SH3TC1: variants seen among roughly 807,000 people sequenced by gnomAD.
SH3TC1 encodes SH3 domain and tetratricopeptide repeat-containing protein 1.
In SH3TC1, 135 loss-of-function variants were observed where a neutral mutation model predicts 117.3. The observed-to-expected ratio is 1.15, with a 90% CI of 1.00 to 1.33. The LOEUF is 1.33. Ranked by LOEUF, SH3TC1 falls within the 40% of genes most tolerant of loss-of-function variation. The pLI is 0.00. For missense variants in SH3TC1, 2,092 were observed against 1,794.3 expected (o/e 1.17, Z -3.00); for synonymous variants, 898 against 816.9 (o/e 1.10, Z -1.69).
Position 8,192,970 on chromosome 4 carries a change from C to T in SH3TC1, c.-57+10760C>T, listed in dbSNP as rs762332679. Among the ~76,000 whole-genome samples, 6 of 152,240 alleles carry T rather than the reference C, an allele frequency of 3.9e-5. No homozygotes were observed. The South Asian group carries it at 8.3e-4, about 21-fold the overall frequency. On this transcript the variant is annotated intron_variant, in intron 1 of 16. Coordinates refer to the SH3TC1 transcript ENST00000508641. This position sits in a 1 kb window ranked among gnomAD's most constrained non-coding sequence, Gnocchi z 4.1. ...AGCCTGTTTCACAGCACAAGACAGC[C>T]TCAGCTCTGTGGTCCACAAACCACA...
intron 1 of SH3TC1, among the ~76,000 whole-genome samples, chr4:8,188,331 G>A (rs1717292632): frequency 6.6e-6 from 1 of 152,230 alleles, no homozygotes; most frequent in Non-Finnish European, 1.5e-5. Flanking sequence ...CGGATGCTGA[G>A]CCAGGCCCAG....
In SH3TC1 at chr4:8,236,446, C is replaced by G. The variant is rs748424274; in HGVS notation, c.3556+18C>G. The G allele has an allele frequency of 2.8e-6, 4 of 1,427,436 alleles. No individual in the cohort carries two copies. The African/African-American group carries it at 5.9e-5, about 21-fold the overall frequency. 88.4% of individuals were successfully genotyped at this position (1,427,436 alleles called of 1,614,324 possible). ...CACCCTGGGTAAGCCCCCTGAGCCC[C>G]TGCCCTGCCAGGACCCACACTTTGC... On this transcript the variant is annotated intron_variant, in intron 16 of 17. Transcript: ENST00000245105.
Position 8,225,302 on chromosome 4 carries a change from G to T in SH3TC1, c.1285+86G>T, listed in dbSNP as rs1720358972. 1.4e-6 allele frequency: 2 copies of T among 1,463,402 alleles called. No homozygotes were observed. The highest frequency in any genetic ancestry group is 2.8e-5 in the African/African-American group (2 of 71,686). The allele number at this position is 1,463,402 out of a possible 1,614,324, so 90.7% of individuals were successfully genotyped here. A position where few individuals can be genotyped will look rare whatever the true frequency, so the allele number is the denominator to read the frequency against. ...GGGGGAGGTGACAAAGCTGAGCACG[G>T]TGGGCATTGGGTGCGGCTGTCACCC... On this transcript the variant is annotated intron_variant, in intron 11 of 17. Coordinates refer to ENST00000245105, the MANE Select transcript of SH3TC1 (RefSeq NM_018986.5). This position sits in a 1 kb window ranked among gnomAD's most constrained non-coding sequence, Gnocchi z 5.5.
At chr4:8,229,282 T>A (rs925991643) in intron 12 of SH3TC1, 1 of 151,354 alleles carries the variant, frequency 6.6e-6, no homozygotes, top group Non-Finnish European at 1.5e-5. Context: ...GCGGGGCAGC[T>A]CTTGGCCCCG....
chr4:8,232,174 G>A lies in SH3TC1; in HGVS notation c.3131+18G>A, dbSNP rs754738398. ...ACCGAGCGGTGAGGGCTGGCTCTGT[G>A]GTGGTGGGGGCGGGGGGAGGGGGCA... is the stretch of plus-strand genomic sequence containing the variant. On this transcript the variant is annotated intron_variant, in intron 13 of 17. Coordinates refer to ENST00000245105, the MANE Select transcript of SH3TC1 (RefSeq NM_018986.5). 3 of 1,242,780 alleles carry A rather than the reference G, an allele frequency of 2.4e-6. No homozygotes were observed. The highest frequency in any genetic ancestry group is 3.1e-6 in the Non-Finnish European group (3 of 957,774). The allele number at this position is 1,242,780 out of a possible 1,614,324, so 77.0% of individuals were successfully genotyped here.
Position 8,212,702 on chromosome 4 carries a change from C to G in SH3TC1, c.249C>G (p.Asp83Glu). 6.2e-7 allele frequency: 1 copy of G among 1,612,932 alleles called. No individual in the cohort carries two copies. Among genetic ancestry groups the G allele is most frequent in the Non-Finnish European group, 8.5e-7 (1 of 1,179,950 alleles). The change falls in exon 4 of 18, where the codon GAC becomes GAG. Residue 83 changes from aspartate (D) to glutamate (E), a missense_variant and splice_region_variant. By Grantham distance (45) the Asp-to-Glu change is conservative. Transcript: ENST00000245105. Reference sequence around the variant, plus strand: ...CCCAACCTCCGTCTGCCCCTCCAGACCTGACCCTGCAGCTGCTGGCTGTGC... The same window carrying G: ...CCCAACCTCCGTCTGCCCCTCCAGAGCTGACCCTGCAGCTGCTGGCTGTGC... The part of the protein sequence containing the change: ...PPCQMGVYPT[D>E]LTLQLLAVRR...
At chr4:8,235,988 TGTC>T (rs902639863) in intron 15 of SH3TC1, 10 of 448,126 alleles carry the variant, frequency 2.2e-5, no homozygotes, top group African/African-American at 1.2e-4. Context: ...CACAGATAAA[TGTC>T]GTGTTTTTAG....
rs1013722877 is a variant in SH3TC1 at position 8,205,027 on chromosome 4, C to A, written c.-28-140C>A. 1 of 604,826 alleles carries A rather than the reference C, an allele frequency of 1.7e-6. No individual in the cohort carries two copies. Among genetic ancestry groups the A allele is most frequent in the Non-Finnish European group, 2.7e-6 (1 of 368,876 alleles). 37.5% of individuals were successfully genotyped at this position (604,826 alleles called of 1,614,324 possible). A position where few individuals can be genotyped will look rare whatever the true frequency, so the allele number is the denominator to read the frequency against. ...GCCCACCACAACACGGTGCACGGTG[C>A]GGTGAGGGGCTCGCTGGATCTGAAA... On this transcript the variant is annotated intron_variant, in intron 1 of 17. Coordinates refer to ENST00000245105, the MANE Select transcript of SH3TC1 (RefSeq NM_018986.5). This position sits in a 1 kb window ranked among gnomAD's most constrained non-coding sequence, Gnocchi z 5.4.
At chr4:8,212,248 C>T (rs1162763859) in intron 3 of SH3TC1, among the ~76,000 whole-genome samples, 1 of 150,916 alleles carries the variant, frequency 6.6e-6, no homozygotes, top group Non-Finnish European at 1.5e-5. Context: ...CCCAGACTCC[C>T]CACCTTACAG....
At position 8,210,954 on chromosome 4, in the gene SH3TC1, T is replaced by C. The variant is rs1718617685; in HGVS notation, c.247+1132T>C. Among the ~76,000 whole-genome samples, 1 of 151,698 alleles carries C rather than the reference T, an allele frequency of 6.6e-6. No individual in the cohort carries two copies. The highest frequency in any genetic ancestry group is 1.5e-5 in the Non-Finnish European group (1 of 67,952). ...TCTCAGGCAGGTGCTTTAAGCTTAT[T>C]CAAAGGTGTGAGAATCCATCTCTGT... On this transcript the variant is annotated intron_variant, in intron 3 of 17. Transcript: ENST00000245105. The surrounding 1 kb of genome is among the most constrained non-coding windows in gnomAD (Gnocchi z 4.1).
At chr4:8,238,568 G>C (rs1014210170) in intron 17 of SH3TC1, among the ~76,000 whole-genome samples, 1 of 152,092 alleles carries the variant, frequency 6.6e-6, no homozygotes, top group Non-Finnish European at 1.5e-5. Context: ...CTAAGACCCC[G>C]CCCCGTATCC....
At chr4:8,204,597 C>G (rs1718047620) in intron 1 of SH3TC1, among the ~76,000 whole-genome samples, 1 of 152,210 alleles carries the variant, frequency 6.6e-6, no homozygotes, top group Non-Finnish European at 1.5e-5. Context: ...ATCCTCCTCT[C>G]TTATTAGCGC....
chr4:8,218,125 TGTGTGTGTGTGCAC>T, intron 7 of SH3TC1, 132 bp from the exon 8 acceptor site: 2 of 561,540 alleles, frequency 3.6e-6, no homozygotes, highest in Non-Finnish European at 6.4e-6. Context: ...CATGTGTGTG[TGTGTGTGTGTGCAC>T]GTGTGTGTGT....
chr4:8,240,579 G>A (rs758228936), intron 17 of SH3TC1, 119 bp from the exon 18 acceptor site: 706 of 1,486,186 alleles, frequency 4.8e-4, no homozygotes, highest in Non-Finnish European at 6.2e-4. Context: ...CACAGGCTTC[G>A]GGGCTCATGG....
At chr4:8,235,585 G>A (rs1177598516) in intron 15 of SH3TC1, 30 bp downstream of exon 15, 1 of 1,545,978 alleles carries the variant, frequency 6.5e-7, no homozygotes, top group South Asian at 1.2e-5. Flanking sequence ...GATGTGGGTG[G>A]GCCCCAGGGG....
At chr4:8,232,245 C>A in intron 13 of SH3TC1, 89 bp downstream of exon 13, 2 of 1,397,150 alleles carry the variant, frequency 1.4e-6, no homozygotes, top group Non-Finnish European at 9.5e-7. Flanking sequence ...CCCAGGGCCC[C>A]AGCAGCCCCT....
chr4:8,218,119 T>G, intron 7 of SH3TC1, 152 bp from the exon 8 acceptor site: 1 of 442,838 alleles, frequency 2.3e-6, no homozygotes, highest in Non-Finnish European at 4.1e-6. Context: ...GGCAGGCATG[T>G]GTGTGTGTGT....
At chr4:8,202,978 A>T (rs1717937057) in intron 1 of SH3TC1, among the ~76,000 whole-genome samples, 1 of 152,140 alleles carries the variant, frequency 6.6e-6, no homozygotes, top group Admixed American at 6.5e-5. Context: ...CTGGGAGGCC[A>T]GTTCTCAGGG....
chr4:8,209,750 G>A lies in SH3TC1; in HGVS notation c.175G>A (p.Glu59Lys), dbSNP rs569876244. The A allele has an allele frequency of 1.2e-5, 19 of 1,613,786 alleles. No individual in the cohort carries two copies. Among genetic ancestry groups the A allele is most frequent in the South Asian group, 8.8e-5 (8 of 91,054 alleles). ...EEAKAPVRGD[E>K]APPARVAGPA... ...CCTGGGAACCTGCTGTGTTGCAGAC[G>A]AGGCTCCTCCTGCCCGCGTGGCTGG... The change falls in exon 3 of 18, where the codon GAG becomes AAG. Residue 59 changes from glutamate to lysine, a missense_variant and splice_region_variant. Physicochemically the swap from Glu to Lys is moderately conservative, Grantham distance 56 (BLOSUM62 1). Transcript: ENST00000245105. This position sits in a 1 kb window ranked among gnomAD's most constrained non-coding sequence, Gnocchi z 5.9.
Sources: allele counts gnomAD v4.1 joint callset (sites outside exome capture counted in the v4.1 genomes callset), GRCh38; gene constraint gnomAD v4.1.1; non-coding constraint Gnocchi (gnomAD v3.1); transcripts MANE v1.5; gene names NCBI Gene and HGNC (gene_info 2026-07-23, HGNC 2026-07-21).